BCAS3: variants seen among roughly 807,000 people sequenced by gnomAD.
The protein encoded by BCAS3 is BCAS4/BCAS3 fusion.
A neutral mutation model predicts 116.1 loss-of-function variants in BCAS3; 53 were observed. The ratio of observed to expected loss-of-function variants is 0.46; its 90% CI spans 0.37 to 0.57. The LOEUF (loss-of-function observed/expected upper bound fraction) is 0.57. Ranked by LOEUF, BCAS3 falls within the 20% of genes least tolerant of loss-of-function variation. The pLI, the probability that BCAS3 is intolerant of heterozygous loss-of-function variation, is 0.00. For missense variants in BCAS3, 917 were observed against 1,165.4 expected (o/e 0.79, Z 3.10); for synonymous variants, 391 against 408.2 (o/e 0.96, Z 0.51).
At chr17:61,153,997 A>G (rs1471226682) in intron 22 of BCAS3, among the ~76,000 whole-genome samples, 1 of 152,214 alleles carries the variant, frequency 6.6e-6, no homozygotes, top group Non-Finnish European at 1.5e-5. Flanking sequence ...TAAAGAAATT[A>G]AGAGGATGGA....
chr17:60,845,960 A>T (rs1302466799), intron 7 of BCAS3, among the ~76,000 whole-genome samples: 1 of 148,146 alleles, frequency 6.8e-6, no homozygotes, highest in African/African-American at 2.5e-5. Context: ...ACTTAGTCTC[A>T]CTCTGTCACT....
rs1023531091 is a variant in BCAS3, at chr17:60,931,573, G to A, written c.1087+7073G>A. On this transcript the variant is annotated intron_variant, in intron 13 of 23. Transcript: ENST00000407086. ...ATTACAGGTGTGAGCTACCACACCCGGCCGGAATCTTCTTTTGCCTGGCTA... is the reference window on the plus strand; with the variant it reads ...ATTACAGGTGTGAGCTACCACACCCAGCCGGAATCTTCTTTTGCCTGGCTA... Among the ~76,000 whole-genome samples, 20 of 152,176 alleles carry A rather than the reference G, an allele frequency of 1.3e-4. No homozygotes were observed. In the East Asian group the frequency reaches 2.9e-3, roughly 22 times the overall value.
Position 60,902,642 on chromosome 17 carries a change from G to C in BCAS3, c.761G>C (p.Arg254Pro). The C allele has an allele frequency of 6.2e-7, 1 of 1,612,480 alleles. No homozygotes were observed. Among genetic ancestry groups the C allele is most frequent in the Non-Finnish European group, 8.5e-7 (1 of 1,178,566 alleles). ...CAGTTGATTCGATGTCATCAGTCCCGTGGTGGAGCCTGTGGAGACAACATT... is the reference window on the plus strand; with the variant it reads ...CAGTTGATTCGATGTCATCAGTCCCCTGGTGGAGCCTGTGGAGACAACATT... The part of the protein sequence containing the change: ...ENKLIRCHQS[R>P]GGACGDNIQS... Residue 254 changes from arginine (R) to proline (P), a missense_variant, in exon 11 of 24, where the codon CGT (arginine) becomes CCT (proline). Arg to Pro is a moderately radical substitution (Grantham distance 103, BLOSUM62 -2). Around this residue, in one of 3 missense-constraint regions of BCAS3, gnomAD observed 807 missense variants for 1,026.0 expected, o/e 0.79. Transcript: ENST00000407086.
At chr17:61,179,091 TA>T (rs34275848) in intron 22 of BCAS3, among the ~76,000 whole-genome samples, 6 of 150,966 alleles carry the variant, frequency 4.0e-5, no homozygotes, top group East Asian at 1.9e-4. Context: ...CATTTTTTAT[TA>T]AAAAAAAATA....
intron 8 of BCAS3, 62 bp from the exon 9 acceptor site, chr17:60,874,600 C>T: frequency 1.7e-6 from 2 of 1,174,258 alleles, no homozygotes; most frequent in Non-Finnish European, 2.5e-6. Flanking sequence ...ATTTCTGATT[C>T]CACTTACAGA....
At chr17:61,154,124 G>T (rs537060180) in intron 22 of BCAS3, among the ~76,000 whole-genome samples, 1 of 152,132 alleles carries the variant, frequency 6.6e-6, no homozygotes, top group African/African-American at 2.4e-5. Context: ...GATATTTGTC[G>T]CACTGCCTTC....
In BCAS3 at chr17:61,222,249, A is replaced by G. The variant is rs945474305; in HGVS notation, c.2425+137685A>G. Among the ~76,000 whole-genome samples, 101 of 152,364 alleles carry G rather than the reference A, an allele frequency of 6.6e-4. 1 individual carries two copies. Among genetic ancestry groups the G allele is most frequent in the African/African-American group, 2.3e-3 (97 of 41,582 alleles). On this transcript the variant is annotated intron_variant, in intron 22 of 23. Transcript: ENST00000407086. The surrounding 1 kb of genome is among the most constrained non-coding windows in gnomAD (Gnocchi z 6.1). ...GACTCAGCTTAAACCTTTGAAAGAA[A>G]GGGCCTCCATAGGCTTGTCAAACCA...
At chr17:60,896,141 C>T (rs925942420) in intron 10 of BCAS3, among the ~76,000 whole-genome samples, 1 of 152,102 alleles carries the variant, frequency 6.6e-6, no homozygotes, top group Non-Finnish European at 1.5e-5. Context: ...GCCTGGCCAA[C>T]ATGGCAAAAT....
At position 60,689,838 on chromosome 17, in the gene BCAS3, A is replaced by G; in HGVS notation, c.214+77A>G. 3 of 993,236 alleles carry G rather than the reference A, an allele frequency of 3.0e-6. 1 individual carries two copies. The South Asian group carries it at 4.4e-5, about 15-fold the overall frequency. 61.5% of individuals were successfully genotyped at this position (993,236 alleles called of 1,614,324 possible). The stretch of plus-strand genomic sequence containing the variant: ...ACCTGATTCCAAAAAGAGAGCCTCT[A>G]CTTTAGTCAGATTACTTTCTCTTAT... On this transcript the variant is annotated intron_variant, in intron 4 of 23. Transcript: ENST00000407086.
intron 22 of BCAS3, among the ~76,000 whole-genome samples, chr17:61,166,373 TACTC>T (rs781372703): frequency 6.2e-5 from 5 of 80,978 alleles, no homozygotes; most frequent in Admixed American, 1.5e-4. Flanking sequence ...TTATTATTGT[TACTC>T]TCTCTCTCTC....
intron 19 of BCAS3, among the ~76,000 whole-genome samples, chr17:61,046,609 A>G (rs1426686170): frequency 6.6e-6 from 1 of 151,954 alleles, no homozygotes; most frequent in Non-Finnish European, 1.5e-5. Flanking sequence ...GGGAATCATG[A>G]CAAGAAAAAA....
chr17:60,750,708 C>T (rs770950532), intron 6 of BCAS3, among the ~76,000 whole-genome samples: 5 of 152,152 alleles, frequency 3.3e-5, no homozygotes, highest in Non-Finnish European at 7.3e-5. Context: ...TACCCTGTCC[C>T]CCTCACTAGT....
intron 5 of BCAS3, among the ~76,000 whole-genome samples, chr17:60,744,391 A>G (rs780645642): frequency 6.6e-6 from 1 of 152,226 alleles, no homozygotes; most frequent in Non-Finnish European, 1.5e-5. Flanking sequence ...GACATAATGT[A>G]TAAAATTATT....
chr17:61,062,769 T>C (rs2070198498), intron 19 of BCAS3, among the ~76,000 whole-genome samples: 1 of 152,216 alleles, frequency 6.6e-6, no homozygotes, highest in Non-Finnish European at 1.5e-5. Context: ...GTCCTGGGAA[T>C]TTAATTATGT....
chr17:61,392,410 G>T lies in BCAS3; in HGVS notation c.*285G>T. Reference sequence around the variant, plus strand: ...GCATATGACATCCTGCATTGGATCCGCTTTTGTATTTTTTAACCATACCCA... The same window carrying T: ...GCATATGACATCCTGCATTGGATCCTCTTTTGTATTTTTTAACCATACCCA... On this transcript the variant is annotated 3_prime_UTR_variant, in exon 24 of 24. Transcript: ENST00000407086. This position sits in a 1 kb window ranked among gnomAD's most constrained non-coding sequence, Gnocchi z 6.4. The T allele has an allele frequency of 4.2e-6, 1 of 238,806 alleles. No homozygotes were observed. Among genetic ancestry groups the T allele is most frequent in the Non-Finnish European group, 8.0e-6 (1 of 124,954 alleles). The allele number at this position is 238,806 out of a possible 1,614,324, so 14.8% of individuals were successfully genotyped here. A position where few individuals can be genotyped will look rare whatever the true frequency, so the allele number is the denominator to read the frequency against.
At chr17:61,108,582 C>T in intron 22 of BCAS3, among the ~76,000 whole-genome samples, 1 of 131,656 alleles carries the variant, frequency 7.6e-6, no homozygotes, top group Admixed American at 7.6e-5. Flanking sequence ...TTCTAAAATT[C>T]TATCTTGATT....
chr17:61,055,388 T>C (rs1023427051), intron 19 of BCAS3, among the ~76,000 whole-genome samples: 1 of 152,208 alleles, frequency 6.6e-6, no homozygotes, highest in Non-Finnish European at 1.5e-5. Context: ...CAGCCTTCTC[T>C]ATAGAATTTC....
chr17:61,166,389 CTCTTTT>C (rs1326436071), intron 22 of BCAS3, among the ~76,000 whole-genome samples: 16 of 23,290 alleles, frequency 6.9e-4, no homozygotes, highest in South Asian at 4.8e-3. Context: ...CTCTCTCTCT[CTCTTTT>C]TTTTTTTTTT....
intron 22 of BCAS3, among the ~76,000 whole-genome samples, chr17:61,322,804 G>GAGAGAGAGAGAGAGAC (rs2055349196): frequency 3.1e-5 from 4 of 128,406 alleles, no homozygotes; most frequent in Non-Finnish European, 6.7e-5. Context: ...CAGAGAGAGA[G>GAGAGAGAGAGAGAGAC]AGAGAGAGAG....
Sources: allele counts gnomAD v4.1 joint callset (sites outside exome capture counted in the v4.1 genomes callset), GRCh38; gene constraint gnomAD v4.1.1; regional missense constraint gnomAD v4.1.1; non-coding constraint Gnocchi (gnomAD v3.1); transcripts MANE v1.5; gene names NCBI Gene and HGNC (gene_info 2026-07-23, HGNC 2026-07-21).